The following GRM5 variants were observed in gnomAD, a reference collection of about 807,000 sequenced individuals.
GRM5 encodes glutamate metabotropic receptor 5.
In GRM5, 19 loss-of-function variants were observed where a neutral mutation model predicts 83.1. The observed-to-expected ratio is 0.23, with a 90% confidence interval of 0.16 to 0.34. The LOEUF (loss-of-function observed/expected upper bound fraction) is 0.34. Among genes scored for constraint, GRM5 ranks in the 10% least tolerant of loss-of-function variants. The pLI, the probability that GRM5 is intolerant of heterozygous loss-of-function variation, is 1.00. For missense variants in GRM5, 1,160 were observed against 1,588.3 expected (o/e 0.73, Z 4.58); for synonymous variants, 675 against 633.6 (o/e 1.07, Z -0.98).
At chr11:88,734,719 CT>C (rs1307579051) in intron 3 of GRM5, among the ~76,000 whole-genome samples, 5 of 151,968 alleles carry the variant, frequency 3.3e-5, no homozygotes, top group African/African-American at 1.2e-4. Flanking sequence ...GTCACAGATG[CT>C]AGTGACAAAA....
At chr11:88,765,395 GAAAA>G (rs58232495) in intron 3 of GRM5, among the ~76,000 whole-genome samples, 46 of 123,438 alleles carry the variant, frequency 3.7e-4, no homozygotes, top group African/African-American at 1.0e-3. Context: ...AAGACAATTT[GAAAA>G]AAAAAAAAAA....
chr11:88,856,605 C>T (rs1240517459), intron 2 of GRM5, among the ~76,000 whole-genome samples: 1 of 152,010 alleles, frequency 6.6e-6, no homozygotes, highest in East Asian at 1.9e-4. Context: ...ATAGTTAATA[C>T]ATAAATCAGT....
intron 2 of GRM5, among the ~76,000 whole-genome samples, chr11:88,912,376 T>C (rs891796587): frequency 4.0e-5 from 6 of 151,730 alleles, no homozygotes; most frequent in Admixed American, 2.0e-4. Flanking sequence ...AACATTAGAC[T>C]AGAAAACAAG....
At chr11:88,971,484 C>T (rs11820374) in intron 2 of GRM5, among the ~76,000 whole-genome samples, 2,381 of 152,106 alleles carry the variant, frequency 0.016, 54 homozygotes, top group African/African-American at 0.055. Context: ...TCTTTGCATC[C>T]ATATGTACTT....
chr11:88,864,598 A>G (rs534187520), intron 2 of GRM5, among the ~76,000 whole-genome samples: 2 of 152,202 alleles, frequency 1.3e-5, no homozygotes, highest in Admixed American at 1.3e-4. Flanking sequence ...TACTAAAAAT[A>G]CAATCATGTC....
chr11:89,045,749 C>G (rs552979911), intron 2 of GRM5, among the ~76,000 whole-genome samples: 3 of 152,234 alleles, frequency 2.0e-5, no homozygotes, highest in African/African-American at 7.2e-5. Context: ...AAGGGAGTCC[C>G]TAATAAAATG....
At chr11:88,553,656 G>C (rs1171589668) in intron 8 of GRM5, among the ~76,000 whole-genome samples, 1 of 152,102 alleles carries the variant, frequency 6.6e-6, no homozygotes, top group African/African-American at 2.4e-5. Flanking sequence ...ATATAAGTAG[G>C]GGGAATTGGT....
At chr11:88,997,885 TTCAAA>T (rs1940242005) in intron 2 of GRM5, among the ~76,000 whole-genome samples, 1 of 151,776 alleles carries the variant, frequency 6.6e-6, no homozygotes, top group South Asian at 2.1e-4. Flanking sequence ...TAAGGAAGAG[TTCAAA>T]TATATTTTAT....
At chr11:88,841,783 T>C (rs1944207616) in intron 3 of GRM5, among the ~76,000 whole-genome samples, 1 of 152,184 alleles carries the variant, frequency 6.6e-6, no homozygotes, top group South Asian at 2.1e-4. Context: ...TTTGTTCCCA[T>C]GGTGTTATTT....
intron 4 of GRM5, among the ~76,000 whole-genome samples, chr11:88,610,590 G>C (rs1938285903): frequency 1.3e-5 from 2 of 152,172 alleles, no homozygotes; most frequent in African/African-American, 4.8e-5. Flanking sequence ...CTTTACCGAA[G>C]TTGTTTATCA....
chr11:88,913,585 CTCTTTT>C (rs1293410552), intron 2 of GRM5, among the ~76,000 whole-genome samples: 56 of 111,964 alleles, frequency 5.0e-4, no homozygotes, highest in African/African-American at 1.8e-3. Flanking sequence ...TTCTCTCTCT[CTCTTTT>C]TTTTTTTTTT....
Position 88,567,838 on chromosome 11 carries a change from C to T in GRM5, c.1845G>A (p.Arg615=), listed in dbSNP as rs1942906079. The stretch of plus-strand genomic sequence containing the variant: ...CAGCAAGGATAATGTAGCAGAGTTC[C>T]CTGCTTGAGGACTTGACTACTGGTG... ...RDTPVVKSSS[R]ELCYIILAGI... Residue 615 remains arginine (R), a synonymous_variant, in exon 8 of 10, where the codon AGG becomes AGA. Transcript: ENST00000305447. This position sits in a 1 kb window ranked among gnomAD's most constrained non-coding sequence, Gnocchi z 7.3. 2.5e-6 allele frequency: 4 copies of T among 1,613,822 alleles called. No individual in the cohort carries two copies. Among genetic ancestry groups the T allele is most frequent in the Non-Finnish European group, 3.4e-6 (4 of 1,179,724 alleles).
chr11:88,832,896 G>C (rs1380417695), intron 3 of GRM5, among the ~76,000 whole-genome samples: 1 of 152,034 alleles, frequency 6.6e-6, no homozygotes, highest in Non-Finnish European at 1.5e-5. Flanking sequence ...ATAGTGCTGG[G>C]AGTATTTGAT....
intron 2 of GRM5, among the ~76,000 whole-genome samples, chr11:88,894,992 TGCTATTTTTGTTATAGTA>T (rs1945208951): frequency 6.6e-6 from 1 of 151,912 alleles, no homozygotes; most frequent in African/African-American, 2.4e-5. Context: ...AGCCACCTGG[TGCTATTTTTGTTATAGTA>T]GCCTGAACTG....
chr11:88,514,572 A>G (rs1941472816), intron 9 of GRM5, among the ~76,000 whole-genome samples: 1 of 152,154 alleles, frequency 6.6e-6, no homozygotes. Flanking sequence ...AAAAAAGTCA[A>G]TGGAATTTAT....
chr11:88,989,814 G>C (rs554050338), intron 2 of GRM5, among the ~76,000 whole-genome samples: 19 of 150,986 alleles, frequency 1.3e-4, no homozygotes, highest in African/African-American at 2.4e-4. Flanking sequence ...TGAAACCAAC[G>C]AGAACAAAGA....
intron 3 of GRM5, among the ~76,000 whole-genome samples, chr11:88,676,302 C>G (rs1272461924): frequency 6.6e-6 from 1 of 151,942 alleles, no homozygotes; most frequent in Non-Finnish European, 1.5e-5. Flanking sequence ...TATTCAGTTT[C>G]ACATGCATTA....
chr11:88,777,765 G>A (rs375584818), intron 3 of GRM5, among the ~76,000 whole-genome samples: 1 of 152,162 alleles, frequency 6.6e-6, no homozygotes, highest in Admixed American at 6.5e-5. Context: ...CACCAGTGGA[G>A]GCTGCAGAAC....
At chr11:88,992,040 G>A (rs1217759177) in intron 2 of GRM5, among the ~76,000 whole-genome samples, 2 of 152,258 alleles carry the variant, frequency 1.3e-5, no homozygotes, top group African/African-American at 2.4e-5. Flanking sequence ...AAGAGCTTCT[G>A]TACAGCAAAA....
Sources: gnomAD v4.1 joint callset for allele counts (sites outside exome capture counted in the v4.1 genomes callset) on GRCh38, gnomAD v4.1.1 for gene constraint, Gnocchi (gnomAD v3.1) non-coding constraint, MANE v1.5 for transcripts, NCBI Gene and HGNC (gene_info 2026-07-23, HGNC 2026-07-21) for gene names.